GLB1: variants seen among roughly 807,000 people sequenced by gnomAD.
GLB1 encodes the protein beta-galactosidase.
In GLB1, 56 loss-of-function variants were observed where a neutral mutation model predicts 74.0. The observed-to-expected ratio is 0.76, with a 90% confidence interval of 0.61 to 0.94. The LOEUF (loss-of-function observed/expected upper bound fraction) is 0.94. Among genes scored for constraint, GLB1 ranks in the 40% least tolerant of loss-of-function variants. The pLI is 0.00. For missense variants in GLB1, 787 were observed against 845.5 expected (o/e 0.93, Z 0.86); for synonymous variants, 323 against 323.6 (o/e 1.00, Z 0.02).
rs187723251 is a variant in GLB1, at chr3:33,066,750, T to C, written c.458-1193A>G. On this transcript the variant is annotated intron_variant, in intron 4 of 15. Coordinates refer to ENST00000307363, the MANE Select transcript of GLB1 (RefSeq NM_000404.4). ...TATAAAATGAAGTTCTAATAAATTC[T>C]ATATTTATATTGTCAAATAGGAATA... Among the ~76,000 whole-genome samples, 905 of 152,238 alleles carry C rather than the reference T, an allele frequency of 5.9e-3. 5 individuals are homozygous for C. Among genetic ancestry groups the C allele is most frequent in the African/African-American group, 0.017 (715 of 41,546 alleles).
At chr3:33,037,477 G>C (rs1018563709) in intron 10 of GLB1, among the ~76,000 whole-genome samples, 2 of 152,150 alleles carry the variant, frequency 1.3e-5, no homozygotes, top group African/African-American at 4.8e-5. Context: ...TGAAGCAATA[G>C]TCTATAAAAG....
the GLB1 span, among the ~76,000 whole-genome samples, chr3:32,985,208 A>C: frequency 6.6e-6 from 1 of 151,302 alleles, no homozygotes; most frequent in Non-Finnish European, 1.5e-5. Context: ...AGGATTTGTC[A>C]GTTTTTTTGT....
At chr3:33,036,912 G>A (rs1004740730) in intron 10 of GLB1, among the ~76,000 whole-genome samples, 1 of 152,068 alleles carries the variant, frequency 6.6e-6, no homozygotes, top group African/African-American at 2.4e-5. Context: ...GTTTCTGTCT[G>A]GAAGGAAGAA....
chr3:33,014,341 G>A lies in GLB1; in HGVS notation c.1480-31C>T, dbSNP rs1317543939. 2.5e-6 allele frequency: 4 copies of A among 1,609,784 alleles called. No homozygotes were observed. In the South Asian group the frequency reaches 3.3e-5, roughly 13 times the overall value. ...AAGCAGAAACAGAGCACAGTGAGCTGGGGAGGGAAGGAAAAAGGCTTCACA... is the reference window on the plus strand; with the variant it reads ...AAGCAGAAACAGAGCACAGTGAGCTAGGGAGGGAAGGAAAAAGGCTTCACA... On this transcript the variant is annotated intron_variant, in intron 14 of 15. Coordinates refer to ENST00000307363, the MANE Select transcript of GLB1 (RefSeq NM_000404.4).
chr3:33,011,381 CTTCATTTGAGG>C (rs1697015244), intron 15 of GLB1, among the ~76,000 whole-genome samples: 1 of 151,092 alleles, frequency 6.6e-6, no homozygotes, highest in Non-Finnish European at 1.5e-5. Flanking sequence ...CTTTTCGAGA[CTTCATTTGAGG>C]TCAGGAGTCC....
intron 10 of GLB1, among the ~76,000 whole-genome samples, chr3:33,026,087 C>G (rs950930718): frequency 6.6e-6 from 1 of 150,764 alleles, no homozygotes; most frequent in African/African-American, 2.4e-5. Flanking sequence ...GTGCCACGAT[C>G]CATGGAGCCA....
In GLB1 at chr3:33,093,999, C is replaced by CT; in HGVS notation, c.75+3011dup. ...GGAGTGGCAGAGGTTGCTCACTGTG[C>CT]TGCGCCAAATGTAGAGGGAGCCAAT... is the stretch of plus-strand genomic sequence containing the variant. On this transcript the variant is annotated intron_variant, in intron 1 of 15. Transcript: ENST00000307363. This position sits in a 1 kb window ranked among gnomAD's most constrained non-coding sequence, Gnocchi z 6.0. The CT allele has an allele frequency of 6.2e-7, 1 of 1,614,182 alleles. No homozygotes were observed. Among genetic ancestry groups the CT allele is most frequent in the South Asian group, 1.1e-5 (1 of 91,082 alleles).
At chr3:33,083,404 A>G (rs1036033566) in intron 1 of GLB1, among the ~76,000 whole-genome samples, 9 of 151,512 alleles carry the variant, frequency 5.9e-5, no homozygotes, top group East Asian at 1.9e-4. Flanking sequence ...TCTCAAAAAA[A>G]AAAAAAAAAA....
At chr3:33,006,227 G>C (rs1030009828) in intron 15 of GLB1, among the ~76,000 whole-genome samples, 3 of 152,234 alleles carry the variant, frequency 2.0e-5, no homozygotes, top group African/African-American at 7.2e-5. Flanking sequence ...GGGCCGCACA[G>C]TGAGAGGTGA....
At chr3:33,058,807 TTAATA>T (rs1478384060) in intron 5 of GLB1, among the ~76,000 whole-genome samples, 1 of 150,888 alleles carries the variant, frequency 6.6e-6, no homozygotes, top group Non-Finnish European at 1.5e-5. Flanking sequence ...GTGTTTTCCC[TTAATA>T]TACTATGCAA....
At chr3:33,048,506 T>C (rs1698835514) in intron 9 of GLB1, among the ~76,000 whole-genome samples, 1 of 151,992 alleles carries the variant, frequency 6.6e-6, no homozygotes, top group Admixed American at 6.6e-5. Context: ...CACACAGGTG[T>C]GGAGGAAGGA....
chr3:33,006,764 C>T (rs1386241574), intron 15 of GLB1, among the ~76,000 whole-genome samples: 1 of 152,202 alleles, frequency 6.6e-6, no homozygotes, highest in African/African-American at 2.4e-5. Flanking sequence ...TTATCAGTGA[C>T]TTTGCTCTCT....
the GLB1 span, among the ~76,000 whole-genome samples, chr3:32,989,245 T>A: frequency 6.6e-6 from 1 of 152,110 alleles, no homozygotes; most frequent in Non-Finnish European, 1.5e-5. Context: ...CTCTCATGTC[T>A]CCTCAGCCCG....
the GLB1 span, among the ~76,000 whole-genome samples, chr3:32,964,059 A>C: frequency 6.6e-6 from 1 of 152,140 alleles, no homozygotes; most frequent in Non-Finnish European, 1.5e-5. Context: ...TGAATAACTG[A>C]GTTTATGGTA....
At chr3:33,079,776 GGAGA>G (rs1332713639) in intron 1 of GLB1, among the ~76,000 whole-genome samples, 1 of 152,230 alleles carries the variant, frequency 6.6e-6, no homozygotes, top group Admixed American at 6.5e-5. Context: ...AGAAGGCAGA[GGAGA>G]GAGTTTTTTG....
intron 15 of GLB1, among the ~76,000 whole-genome samples, chr3:33,008,090 G>A (rs573355943): frequency 3.9e-5 from 6 of 152,290 alleles, no homozygotes; most frequent in African/African-American, 1.2e-4. Flanking sequence ...TAACTCTTGC[G>A]TGTGACACCT....
the GLB1 span, among the ~76,000 whole-genome samples, chr3:32,977,459 C>T: frequency 0.21 from 32,590 of 152,070 alleles, 4,445 homozygotes; most frequent in Middle Eastern, 0.38. Flanking sequence ...CCACCTGCCT[C>T]GGCCTCCCAA....
At chr3:33,086,948 G>A (rs917155956) in intron 1 of GLB1, among the ~76,000 whole-genome samples, 3 of 145,560 alleles carry the variant, frequency 2.1e-5, no homozygotes, top group African/African-American at 5.1e-5. Flanking sequence ...AAATATTAGA[G>A]TAGAAATAAA....
intron 6 of GLB1, among the ~76,000 whole-genome samples, chr3:33,056,670 C>T (rs1325622196): frequency 6.6e-6 from 1 of 152,028 alleles, no homozygotes; most frequent in African/African-American, 2.4e-5. Flanking sequence ...CTAGATTTCC[C>T]AATTGTTAGC....
Sources: allele counts gnomAD v4.1 joint callset (sites outside exome capture counted in the v4.1 genomes callset), GRCh38; gene constraint gnomAD v4.1.1; non-coding constraint Gnocchi (gnomAD v3.1); transcripts MANE v1.5; gene names NCBI Gene and HGNC (gene_info 2026-07-23, HGNC 2026-07-21).